OVGP1: variants seen among roughly 807,000 people sequenced by gnomAD.
OVGP1 encodes oviduct-specific glycoprotein.
In OVGP1, 26 loss-of-function variants were observed where a neutral mutation model predicts 48.2. That is an observed-to-expected ratio of 0.54 (90% CI 0.40 to 0.75). OVGP1 has a LOEUF of 0.75. OVGP1 is among the 30% of genes least tolerant of loss of function. The probability of loss-of-function intolerance (pLI) is 0.00; values close to 1 mark genes in which losing one functional copy is unlikely to be tolerated. For missense variants in OVGP1, 791 were observed against 820.6 expected (o/e 0.96, Z 0.44); for synonymous variants, 294 against 305.7 (o/e 0.96, Z 0.40).
intron 4 of OVGP1, among the ~76,000 whole-genome samples, chr1:111,424,465 T>G (rs947187110): frequency 6.6e-6 from 1 of 152,212 alleles, no homozygotes; most frequent in African/African-American, 2.4e-5. Flanking sequence ...CCCACCTCCT[T>G]GCTGGGCAAT....
chr1:111,423,721 CA>C lies in OVGP1; in HGVS notation c.318-14del, dbSNP rs1652330542. On this transcript the variant is annotated splice_polypyrimidine_tract_variant and intron_variant, in intron 4 of 10. Transcript: ENST00000369732. ...CATAGTGGTGAATCTGTAGGGAGAC[CA>C]GGGGTAAGGCAAAGAACTCTATCCA... The C allele has an allele frequency of 6.2e-7, 1 of 1,612,308 alleles. No individual in the cohort carries two copies. The highest frequency in any genetic ancestry group is 1.7e-5 in the Admixed American group (1 of 59,842).
rs906403689 is a variant in OVGP1 at position 111,419,854 on chromosome 1, A to G, written c.904-128T>C. 6.1e-6 allele frequency: 4 copies of G among 659,534 alleles called. No homozygotes were observed. In the African/African-American group the frequency reaches 7.2e-5, roughly 12 times the overall value. The allele number at this position is 659,534 out of a possible 1,614,324, so 40.9% of individuals were successfully genotyped here. A position where few individuals can be genotyped will look rare whatever the true frequency, so the allele number is the denominator to read the frequency against. On this transcript the variant is annotated intron_variant, in intron 8 of 10. Coordinates refer to ENST00000369732, the MANE Select transcript of OVGP1 (RefSeq NM_002557.4). ...CCAGCGAATGAGAAGAAGGTAAACC[A>G]AAGAGAGAATGGAGAGGCCACTCAC... is the stretch of plus-strand genomic sequence containing the variant.
chr1:111,418,831 T>C (rs1009316247), intron 9 of OVGP1, among the ~76,000 whole-genome samples: 5 of 152,200 alleles, frequency 3.3e-5, no homozygotes, highest in South Asian at 2.1e-4. Flanking sequence ...AGTGGAACCA[T>C]GATTTCTACA....
At chr1:111,426,743 T>C in intron 2 of OVGP1, 102 bp from the exon 3 acceptor site, 3 of 1,551,974 alleles carry the variant, frequency 1.9e-6, no homozygotes, top group Non-Finnish European at 2.6e-6. Context: ...CCAGGCCACA[T>C]TTTCACATCC....
chr1:111,420,395 G>A (rs1346174731), intron 8 of OVGP1, among the ~76,000 whole-genome samples: 2 of 152,152 alleles, frequency 1.3e-5, no homozygotes, highest in Admixed American at 1.3e-4. Context: ...AACTATGCCA[G>A]CACTCATAAA....
At chr1:111,417,276 T>C (rs1426592365) in intron 9 of OVGP1, among the ~76,000 whole-genome samples, 2 of 152,350 alleles carry the variant, frequency 1.3e-5, no homozygotes, top group East Asian at 3.9e-4. Flanking sequence ...TAAAATACAG[T>C]AGAGCACAAA....
At chr1:111,426,365 C>G in intron 3 of OVGP1, 72 bp downstream of exon 3, 1 of 1,603,824 alleles carries the variant, frequency 6.2e-7, no homozygotes, top group Non-Finnish European at 8.5e-7. Context: ...TGAAGAGTAA[C>G]AGGAGAAATA....
intron 4 of OVGP1, among the ~76,000 whole-genome samples, chr1:111,424,937 A>G (rs576430960): frequency 6.6e-6 from 1 of 152,350 alleles, no homozygotes; most frequent in South Asian, 2.1e-4. Flanking sequence ...AACATGTACT[A>G]TGTCCCAGCA....
intron 2 of OVGP1, 127 bp downstream of exon 2, chr1:111,426,935 C>G: frequency 6.4e-7 from 1 of 1,569,410 alleles, no homozygotes; most frequent in East Asian, 2.3e-5. Flanking sequence ...CTCTGAGAAA[C>G]TGTGTTGGAT....
At chr1:111,427,398 G>A in intron 1 of OVGP1, 2 of 980,070 alleles carry the variant, frequency 2.0e-6, no homozygotes, top group Non-Finnish European at 2.4e-6. Context: ...AACCCTGGCT[G>A]CAAATTAAGA....
In OVGP1 at chr1:111,423,006, G is replaced by T. The variant is rs1284461189; in HGVS notation, c.529C>A (p.Pro177Thr). 2 of 1,614,134 alleles carry T rather than the reference G, an allele frequency of 1.2e-6. No individual in the cohort carries two copies. The highest frequency in any genetic ancestry group is 1.7e-6 in the Non-Finnish European group (2 of 1,180,020). Residue 177 changes from proline (P) to threonine (T), a missense_variant, in exon 6 of 11, where the codon CCG (proline) becomes ACG (threonine). Physicochemically the swap from Pro to Thr is conservative, Grantham distance 38. Coordinates refer to ENST00000369732, the MANE Select transcript of OVGP1 (RefSeq NM_002557.4). ...ACAGCAGCAGACAGCAGCAGCCTCG[G>T]GCGCATGGTGAGCAGTGCCTCCTTC... ...FRKEALLTMR[P>T]RLLLSAAVSG...
rs1233885338 is a variant in OVGP1, at chr1:111,421,395, T to C, written c.784A>G (p.Thr262Ala). ...AGGAGGCGAAAGGTACGTCCATAGG[T>C]GGGGATCCCCATGATGAGCTTCTCT... ...PSEKLIMGIP[T>A]YGRTFRLLKA... The change falls in exon 8 of 11, where the codon ACC becomes GCC. Residue 262 changes from threonine (T) to alanine (A), a missense_variant. Thr to Ala is a moderately conservative substitution (Grantham distance 58). Coordinates refer to ENST00000369732, the MANE Select transcript of OVGP1 (RefSeq NM_002557.4). 1 of 1,613,884 alleles carries C rather than the reference T, an allele frequency of 6.2e-7. No homozygotes were observed. The highest frequency in any genetic ancestry group is 1.3e-5 in the African/African-American group (1 of 74,916).
At chr1:111,416,119 T>A (rs1427581398) in intron 10 of OVGP1, among the ~76,000 whole-genome samples, 2 of 152,210 alleles carry the variant, frequency 1.3e-5, no homozygotes, top group South Asian at 4.1e-4. Flanking sequence ...ATTCCCATTT[T>A]AAATAGAACA....
At chr1:111,423,848 C>A (rs1652334073) in intron 4 of OVGP1, 140 bp from the exon 5 acceptor site, 1 of 752,212 alleles carries the variant, frequency 1.3e-6, no homozygotes, top group Non-Finnish European at 2.2e-6. Context: ...CCAAAACTCT[C>A]CCACCTTCTT....
chr1:111,420,279 C>T (rs908026259), intron 8 of OVGP1, among the ~76,000 whole-genome samples: 3 of 152,214 alleles, frequency 2.0e-5, no homozygotes, highest in African/African-American at 4.8e-5. Context: ...AGTAGAGGTA[C>T]GCAAGCTGTG....
chr1:111,419,746 G>C lies in OVGP1; in HGVS notation c.904-20C>G, dbSNP rs780187686. The C allele has an allele frequency of 5.4e-6, 8 of 1,482,438 alleles. No individual in the cohort carries two copies. The Admixed American group carries it at 1.3e-4, about 25-fold the overall frequency. The allele number at this position is 1,482,438 out of a possible 1,614,324, so 91.8% of individuals were successfully genotyped here. On this transcript the variant is annotated intron_variant, in intron 8 of 10. Coordinates refer to ENST00000369732, the MANE Select transcript of OVGP1 (RefSeq NM_002557.4). The stretch of plus-strand genomic sequence containing the variant: ...ACAAATCTGCCAAGAGGACCACCAG[G>C]TTAGTTCTGGGAAGTGCCATGGAGA...
chr1:111,414,978 G>A lies in OVGP1; in HGVS notation c.1523C>T (p.Thr508Ile), dbSNP rs753872107. ...GHQSVTTGQK[T>I]LTSVGYQSVT... ...AGACTGATAACCCACAGAGGTCAGG[G>A]TCTTCTGTCCAGTGGTCACAGATTG... The change falls in exon 11 of 11, where the codon ACC becomes ATC. Residue 508 changes from threonine (T) to isoleucine (I), a missense_variant. Physicochemically the swap from Thr to Ile is moderately conservative, Grantham distance 89 (BLOSUM62 -1). Transcript: ENST00000369732. 3.8e-6 allele frequency: 6 copies of A among 1,580,646 alleles called. No individual in the cohort carries two copies. Among genetic ancestry groups the A allele is most frequent in the Middle Eastern group, 1.7e-4 (1 of 5,966 alleles).
chr1:111,426,955 C>T, intron 2 of OVGP1, 107 bp downstream of exon 2: 4 of 1,592,958 alleles, frequency 2.5e-6, no homozygotes, highest in South Asian at 2.3e-5. Flanking sequence ...TCAATAATCC[C>T]TGTCAGAGAA....
rs1286275373 is a variant in OVGP1 at position 111,423,825 on chromosome 1, G to A, written c.318-117C>T. 3.1e-6 allele frequency: 3 copies of A among 979,574 alleles called. No individual in the cohort carries two copies. In the Admixed American group the frequency reaches 6.9e-5, roughly 22 times the overall value. The allele number at this position is 979,574 out of a possible 1,614,324, so 60.7% of individuals were successfully genotyped here. On this transcript the variant is annotated intron_variant, in intron 4 of 10. Coordinates refer to ENST00000369732, the MANE Select transcript of OVGP1 (RefSeq NM_002557.4). ...GCCTGGCAGATGTGGCTGGAGGAAA[G>A]GAAGGCAGATTTCCAAAACTCTCCC...
Sources: allele counts gnomAD v4.1 joint callset (sites outside exome capture counted in the v4.1 genomes callset), GRCh38; gene constraint gnomAD v4.1.1; transcripts MANE v1.5; gene names NCBI Gene and HGNC (gene_info 2026-07-23, HGNC 2026-07-21).